YLPM1: variants seen among roughly 807,000 people sequenced by gnomAD.
The protein encoded by YLPM1 is YLP motif containing 1, also known as YLP motif-containing protein 1.
In YLPM1, 99 loss-of-function variants were observed where a neutral mutation model predicts 230.0. That is an observed-to-expected ratio of 0.43 (90% CI 0.37 to 0.51). The LOEUF is 0.51. Among genes scored for constraint, YLPM1 ranks in the 20% least tolerant of loss-of-function variants. The pLI, the probability that YLPM1 is intolerant of heterozygous loss-of-function variation, is 0.00. For missense variants in YLPM1, 2,592 were observed against 2,707.7 expected (o/e 0.96, Z 0.95); for synonymous variants, 984 against 942.5 (o/e 1.04, Z -0.81).
Position 74,809,406 on chromosome 14 carries a change from T to G in YLPM1, c.4548T>G (p.Pro1516=). The stretch of plus-strand genomic sequence containing the variant: ...CTCCAGGGTCGTATAGACCTCCCCC[T>G]CCTATGGGCAAACCACCAGGTTCAA... The part of the protein sequence containing the change: ...YPPPGSYRPP[P]PMGKPPGSIV... Residue 1516 remains proline (P), a synonymous_variant, in exon 7 of 21, where the codon CCT becomes CCG. Coordinates refer to ENST00000325680, the MANE Select transcript of YLPM1 (RefSeq NM_019589.3). 1.2e-6 allele frequency: 2 copies of G among 1,609,198 alleles called. No homozygotes were observed. Among genetic ancestry groups the G allele is most frequent in the Non-Finnish European group, 1.7e-6 (2 of 1,177,504 alleles).
intron 1 of YLPM1, among the ~76,000 whole-genome samples, chr14:74,776,057 A>C (rs2091033872): frequency 6.6e-6 from 1 of 152,222 alleles, no homozygotes; most frequent in Admixed American, 6.5e-5. Flanking sequence ...TGTTATGATA[A>C]CTTTTGGTTT....
chr14:74,779,039 A>G (rs915550922), intron 2 of YLPM1, among the ~76,000 whole-genome samples: 2 of 152,132 alleles, frequency 1.3e-5, no homozygotes, highest in South Asian at 2.1e-4. Flanking sequence ...ATGGGGTTTC[A>G]CCATGTTGGC....
rs1177428390 is a variant in YLPM1, at chr14:74,818,305, T to C, written c.6021T>C (p.Ala2007=). Residue 2007 remains alanine, a synonymous_variant, in exon 16 of 21, where the codon GCT becomes GCC. Transcript: ENST00000325680. ...LDIRSLLQDA[A]IEEVEMEDFD... is the part of the protein sequence containing the mutation. ...TTCGTTCTTTGCTGCAAGATGCTGCTATTGAAGAGGTGAGTATCCTTTGGT... is the reference window on the plus strand; with the variant it reads ...TTCGTTCTTTGCTGCAAGATGCTGCCATTGAAGAGGTGAGTATCCTTTGGT... 3 of 1,599,484 alleles carry C rather than the reference T, an allele frequency of 1.9e-6. No individual in the cohort carries two copies. Among genetic ancestry groups the C allele is most frequent in the South Asian group, 2.3e-5 (2 of 88,056 alleles).
Position 74,798,631 on chromosome 14 carries a change from G to A in YLPM1, c.3334G>A (p.Gly1112Arg), listed in dbSNP as rs770710468. Residue 1112 changes from glycine (G) to arginine (R), a missense_variant, in exon 5 of 21, where the codon GGA (glycine) becomes AGA (arginine). Around this residue, in one of 4 missense-constraint regions of YLPM1, gnomAD observed 1,862 missense variants for 1,819.8 expected, o/e 1.02. Transcript: ENST00000325680. ...DRGAAGSRER[G>R]PPRRAGSQER... ...GGGTGCAGCTGGCAGCCGAGAAAGG[G>A]GACCACCTCGGAGGGCTGGCAGTCA... is the stretch of plus-strand genomic sequence containing the variant. The A allele has an allele frequency of 1.9e-6, 3 of 1,611,868 alleles. No individual in the cohort carries two copies. Among genetic ancestry groups the A allele is most frequent in the African/African-American group, 1.3e-5 (1 of 74,838 alleles).
chr14:74,784,195 G>A (rs1384290420), intron 4 of YLPM1, among the ~76,000 whole-genome samples: 4 of 152,034 alleles, frequency 2.6e-5, no homozygotes, highest in African/African-American at 4.8e-5. Context: ...CTTGATTTCC[G>A]TCATGTTAAT....
At chr14:74,829,100 C>T in intron 18 of YLPM1, 113 bp from the exon 19 acceptor site, 1 of 1,301,296 alleles carries the variant, frequency 7.7e-7, no homozygotes, top group Non-Finnish European at 1.1e-6. Context: ...ATGCTGCACT[C>T]AAAAATGTGG....
chr14:74,787,339 G>A (rs2091159836), intron 4 of YLPM1, among the ~76,000 whole-genome samples: 1 of 152,170 alleles, frequency 6.6e-6, no homozygotes, highest in South Asian at 2.1e-4. Flanking sequence ...GACGCGGGCA[G>A]ATCACTTGAG....
At position 74,799,406 on chromosome 14, in the gene YLPM1, A is replaced by G; in HGVS notation, c.4109A>G (p.Glu1370Gly). The G allele has an allele frequency of 6.2e-7, 1 of 1,614,014 alleles. No individual in the cohort carries two copies. The highest frequency in any genetic ancestry group is 8.5e-7 in the Non-Finnish European group (1 of 1,179,906). The part of the protein sequence containing the change: ...GYDRDFRDRG[E>G]LRIREYPERG... ...GATCGAGATTTCCGTGATAGGGGTG[A>G]GTTGAGGATTCGAGAGTATCCAGAA... Residue 1370 changes from glutamate (E) to glycine (G), a missense_variant, in exon 5 of 21, where the codon GAG becomes GGG. Glu to Gly is a moderately conservative substitution (Grantham distance 98, BLOSUM62 -2). Transcript: ENST00000325680.
At chr14:74,816,123 A>G (rs1395624434) in intron 11 of YLPM1, 80 bp from the exon 12 acceptor site, 1 of 1,260,912 alleles carries the variant, frequency 7.9e-7, no homozygotes, top group Non-Finnish European at 1.1e-6. Context: ...GGAAAATGGT[A>G]GGTCATTGTT....
Position 74,764,245 on chromosome 14 carries a change from C to A in YLPM1, c.756C>A (p.Ala252=), listed in dbSNP as rs766751072. ...TACTAGCTCCACCACCACCGTCCGC[C>A]CCCCCTGGAAATAAGACAACTGTCC... ...SQLLAPPPPS[A]PPGNKTTVQQ... The change falls in exon 1 of 21, where the codon GCC becomes GCA. Residue 252 remains alanine (A), a synonymous_variant. Coordinates refer to ENST00000325680, the MANE Select transcript of YLPM1 (RefSeq NM_019589.3). The A allele has an allele frequency of 3.1e-6, 5 of 1,613,770 alleles. No homozygotes were observed. Among genetic ancestry groups the A allele is most frequent in the Admixed American group, 3.3e-5 (2 of 59,974 alleles).
chr14:74,782,001 C>G lies in YLPM1; in HGVS notation c.1958C>G (p.Pro653Arg). Reference sequence around the variant, plus strand: ...CAGTTAACAGCAGCCCCAGTTCCACCAGCCTCCAGTTCACAGAGCTCGCAA... The same window carrying G: ...CAGTTAACAGCAGCCCCAGTTCCACGAGCCTCCAGTTCACAGAGCTCGCAA... ...PPQLTAAPVPPASSSQSSQVP... is the reference protein window; with the variant it reads ...PPQLTAAPVPRASSSQSSQVP... Residue 653 changes from proline (P) to arginine (R), a missense_variant, in exon 4 of 21, where the codon CCA (proline) becomes CGA (arginine). By Grantham distance (103) the Pro-to-Arg change is moderately radical (BLOSUM62 -2). Coordinates refer to ENST00000325680, the MANE Select transcript of YLPM1 (RefSeq NM_019589.3). The G allele has an allele frequency of 1.2e-6, 2 of 1,613,832 alleles. No homozygotes were observed. The highest frequency in any genetic ancestry group is 1.7e-6 in the Non-Finnish European group (2 of 1,179,796).
At chr14:74,789,717 T>C (rs2091187935) in intron 4 of YLPM1, among the ~76,000 whole-genome samples, 1 of 151,646 alleles carries the variant, frequency 6.6e-6, no homozygotes, top group Admixed American at 6.6e-5. Flanking sequence ...AACTTTGACC[T>C]CCTGGGCTCA....
chr14:74,767,315 TACCA>T (rs2090921679), intron 1 of YLPM1, among the ~76,000 whole-genome samples: 1 of 152,258 alleles, frequency 6.6e-6, no homozygotes, highest in Admixed American at 6.5e-5. Flanking sequence ...AATTCTTTGA[TACCA>T]TCCATGTTAA....
At chr14:74,793,922 T>G (rs999133130) in intron 4 of YLPM1, among the ~76,000 whole-genome samples, 8 of 152,152 alleles carry the variant, frequency 5.3e-5, no homozygotes, top group East Asian at 1.9e-4. Context: ...AATCCTGACC[T>G]TCTCTGAGGT....
Position 74,837,280 on chromosome 14 carries a change from T to C in YLPM1, c.*1542T>C, listed in dbSNP as rs2091648323. On this transcript the variant is annotated 3_prime_UTR_variant, in exon 21 of 21. Coordinates refer to ENST00000325680, the MANE Select transcript of YLPM1 (RefSeq NM_019589.3). ...ATTAAGTCAATATTGAATGTATAAA[T>C]TGCTACATTAAATAACTTCTGCTGT... is the stretch of plus-strand genomic sequence containing the variant. 3 of 152,234 alleles carry C rather than the reference T, an allele frequency of 2.0e-5. No individual in the cohort carries two copies. Among genetic ancestry groups the C allele is most frequent in the African/African-American group, 7.2e-5 (3 of 41,462 alleles). 9.4% of individuals were successfully genotyped at this position (152,234 alleles called of 1,614,324 possible). A position where few individuals can be genotyped will look rare whatever the true frequency, so the allele number is the denominator to read the frequency against.
chr14:74,833,970 T>C (rs1049457526), intron 19 of YLPM1, among the ~76,000 whole-genome samples: 10 of 152,194 alleles, frequency 6.6e-5, no homozygotes, highest in Non-Finnish European at 1.2e-4. Context: ...TACTGTGTAG[T>C]GCAAGCAACA....
intron 19 of YLPM1, among the ~76,000 whole-genome samples, chr14:74,832,860 ATTCTT>A (rs2091618164): frequency 6.6e-6 from 1 of 152,132 alleles, no homozygotes; most frequent in South Asian, 2.1e-4. Context: ...CTAATCCTAT[ATTCTT>A]TATTTTATCT....
chr14:74,777,458 T>C (rs2091052869), intron 1 of YLPM1, among the ~76,000 whole-genome samples: 1 of 151,208 alleles, frequency 6.6e-6, no homozygotes, highest in African/African-American at 2.4e-5. Context: ...TCCCAGCTAC[T>C]CGGGAAGCTG....
intron 5 of YLPM1, among the ~76,000 whole-genome samples, chr14:74,802,187 C>T (rs1260571229): frequency 1.4e-5 from 2 of 147,956 alleles, no homozygotes; most frequent in Non-Finnish European, 3.0e-5. Flanking sequence ...CATTGCACTC[C>T]AGCCCAGGCG....
Sources: allele counts gnomAD v4.1 joint callset (sites outside exome capture counted in the v4.1 genomes callset), GRCh38; gene constraint gnomAD v4.1.1; regional missense constraint gnomAD v4.1.1; transcripts MANE v1.5; gene names NCBI Gene and HGNC (gene_info 2026-07-23, HGNC 2026-07-21).